Variants in SIK2 observed in about 807,000 individuals in gnomAD.
SIK2 encodes the protein salt inducible kinase 2, also known as serine/threonine-protein kinase SIK2.
In SIK2, 29 loss-of-function variants were observed where a neutral mutation model predicts 103.2. The ratio of observed to expected loss-of-function variants is 0.28; its 90% confidence interval spans 0.21 to 0.38. SIK2 has a LOEUF of 0.38. SIK2 is among the 10% of genes least tolerant of loss of function. The pLI is 1.00. For missense variants in SIK2, 879 were observed against 1,171.0 expected (o/e 0.75, Z 3.64); for synonymous variants, 412 against 446.1 (o/e 0.92, Z 0.96).
chr11:111,719,378 C>A (rs1455681161), intron 9 of SIK2, among the ~76,000 whole-genome samples: 27 of 89,912 alleles, frequency 3.0e-4, no homozygotes, highest in Middle Eastern at 8.8e-3. Flanking sequence ...TTTTTTTTAG[C>A]AATGAGCCAA....
chr11:111,703,523 G>A (rs930493494), intron 7 of SIK2, 100 bp downstream of exon 7: 9 of 1,006,448 alleles, frequency 8.9e-6, no homozygotes, highest in African/African-American at 3.2e-5. Context: ...TATCTCCAGC[G>A]CCTAGGCGTA....
intron 1 of SIK2, among the ~76,000 whole-genome samples, chr11:111,614,811 T>G (rs1040707568): frequency 2.0e-5 from 3 of 152,168 alleles, no homozygotes; most frequent in African/African-American, 7.2e-5. Flanking sequence ...TTGGAAGCAT[T>G]GAGCTGTCAT....
Position 111,722,230 on chromosome 11 carries a change from T to A in SIK2, c.2055+290T>A, listed in dbSNP as rs1943823440. ...TTCTTTCTAATTGTATTCCTCTTAATGAGTAACAAATAAAATGAAAACCTT... is the reference window on the plus strand; with the variant it reads ...TTCTTTCTAATTGTATTCCTCTTAAAGAGTAACAAATAAAATGAAAACCTT... On this transcript the variant is annotated intron_variant, in intron 13 of 14. Transcript: ENST00000304987. This position sits in a 1 kb window ranked among gnomAD's most constrained non-coding sequence, Gnocchi z 4.4. Among the ~76,000 whole-genome samples, 1 of 152,194 alleles carries A rather than the reference T, an allele frequency of 6.6e-6. No homozygotes were observed. The highest frequency in any genetic ancestry group is 2.4e-5 in the African/African-American group (1 of 41,450).
intron 8 of SIK2, among the ~76,000 whole-genome samples, chr11:111,711,212 G>A (rs920003722): frequency 1.2e-4 from 18 of 151,200 alleles, no homozygotes; most frequent in Non-Finnish European, 2.9e-5. Context: ...TCCGCCTCCC[G>A]GGTTCACACC....
chr11:111,649,469 A>G (rs1942300692), intron 3 of SIK2, among the ~76,000 whole-genome samples: 1 of 152,102 alleles, frequency 6.6e-6, no homozygotes, highest in Non-Finnish European at 1.5e-5. Flanking sequence ...GTATAAAAGT[A>G]ATACTTTTAT....
intron 3 of SIK2, among the ~76,000 whole-genome samples, chr11:111,643,947 C>T (rs537723197): frequency 4.9e-4 from 75 of 152,012 alleles, no homozygotes; most frequent in African/African-American, 1.8e-3. Flanking sequence ...TGTGCCACTG[C>T]ACTCCAGTTG....
intron 3 of SIK2, among the ~76,000 whole-genome samples, chr11:111,621,195 G>T (rs1382200220): frequency 1.3e-5 from 2 of 152,198 alleles, no homozygotes; most frequent in African/African-American, 4.8e-5. Context: ...ATCACTTCCA[G>T]AAGTTTCTTT....
At chr11:111,689,591 AAAG>A (rs1278809697) in intron 4 of SIK2, among the ~76,000 whole-genome samples, 1 of 152,198 alleles carries the variant, frequency 6.6e-6, no homozygotes. Flanking sequence ...TAAGATTGTT[AAAG>A]AAGAGCAGGG....
intron 3 of SIK2, among the ~76,000 whole-genome samples, chr11:111,631,767 C>G (rs1942043273): frequency 6.6e-6 from 1 of 152,154 alleles, no homozygotes; most frequent in African/African-American, 2.4e-5. Context: ...TCCAGGAAGG[C>G]CTTAGGTCTT....
Position 111,688,157 on chromosome 11 carries a change from T to C in SIK2, c.473T>C (p.Ile158Thr). 1 of 1,613,994 alleles carries C rather than the reference T, an allele frequency of 6.2e-7. No homozygotes were observed. The highest frequency in any genetic ancestry group is 8.5e-7 in the Non-Finnish European group (1 of 1,179,990). ...CTGGATAACAACATGAATATCAAAA[T>C]AGCAGGTAACTGGGACACAACTGGC... The part of the protein sequence containing the change: ...LLLDNNMNIK[I>T]ADFGFGNFFK... Residue 158 changes from isoleucine to threonine, a missense_variant, in exon 4 of 15, where the codon ATA becomes ACA. Ile to Thr is a moderately conservative substitution (Grantham distance 89). This residue lies in a region of SIK2 where 126 missense variants were observed against 245.5 expected (regional missense o/e 0.51). Coordinates refer to ENST00000304987, the MANE Select transcript of SIK2 (RefSeq NM_015191.3). The surrounding 1 kb of genome is among the most constrained non-coding windows in gnomAD (Gnocchi z 4.2).
chr11:111,689,942 TTTAAG>T (rs951341493), intron 4 of SIK2, among the ~76,000 whole-genome samples: 2 of 152,062 alleles, frequency 1.3e-5, no homozygotes, highest in African/African-American at 4.8e-5. Context: ...ACAAAATGTT[TTTAAG>T]TTAATTTGTT....
At chr11:111,636,908 T>A (rs909093968) in intron 3 of SIK2, among the ~76,000 whole-genome samples, 5 of 152,216 alleles carry the variant, frequency 3.3e-5, no homozygotes, top group African/African-American at 1.2e-4. Context: ...TGTAAGCTTA[T>A]AAGATCTTCT....
intron 3 of SIK2, among the ~76,000 whole-genome samples, chr11:111,628,416 ATCTTTCTTTCTT>A (rs112377118): frequency 0.29 from 36,055 of 125,606 alleles, 4,800 homozygotes; most frequent in Non-Finnish European, 0.33. Flanking sequence ...CCGCTTTCAT[ATCTTTCTTTCTT>A]TCTTTCTTTC....
chr11:111,706,130 G>T (rs549367017), intron 8 of SIK2, among the ~76,000 whole-genome samples: 1 of 152,304 alleles, frequency 6.6e-6, no homozygotes, highest in South Asian at 2.1e-4. Context: ...GTGTGTAATG[G>T]GGATAATAAT....
chr11:111,615,624 A>G (rs969373516), intron 1 of SIK2, among the ~76,000 whole-genome samples: 2 of 152,218 alleles, frequency 1.3e-5, no homozygotes, highest in Non-Finnish European at 2.9e-5. Flanking sequence ...CTCTAGTTAT[A>G]ACAGAATGAA....
At chr11:111,684,420 G>A (rs1942817901) in intron 3 of SIK2, among the ~76,000 whole-genome samples, 1 of 151,664 alleles carries the variant, frequency 6.6e-6, no homozygotes, top group Non-Finnish European at 1.5e-5. Flanking sequence ...AACCTCCATT[G>A]ACTCAGCACT....
At chr11:111,720,799 C>T (rs372524597) in intron 11 of SIK2, 37 bp downstream of exon 11, 29 of 1,570,480 alleles carry the variant, frequency 1.8e-5, no homozygotes, top group African/African-American at 4.1e-5. Context: ...AAACTCGCGT[C>T]GTAGGAGAGC....
At chr11:111,637,514 C>T (rs1005629014) in intron 3 of SIK2, among the ~76,000 whole-genome samples, 5 of 141,664 alleles carry the variant, frequency 3.5e-5, no homozygotes, top group South Asian at 2.2e-4. Flanking sequence ...GGCTGGAGTG[C>T]GGTGGCACAA....
chr11:111,670,073 AT>A (rs1942604638), intron 3 of SIK2, among the ~76,000 whole-genome samples: 1 of 152,094 alleles, frequency 6.6e-6, no homozygotes, highest in South Asian at 2.1e-4. Context: ...TCCTCCGACT[AT>A]TTTGAACTGT....
Sources: allele counts gnomAD v4.1 joint callset (sites outside exome capture counted in the v4.1 genomes callset), GRCh38; gene constraint gnomAD v4.1.1; regional missense constraint gnomAD v4.1.1; non-coding constraint Gnocchi (gnomAD v3.1); transcripts MANE v1.5; gene names NCBI Gene and HGNC (gene_info 2026-07-23, HGNC 2026-07-21).